Variants in CCDC170 observed in about 807,000 individuals in gnomAD.
CCDC170 encodes the protein coiled-coil domain-containing protein 170.
In CCDC170, 69 loss-of-function variants were observed where a neutral mutation model predicts 72.6. The ratio of observed to expected loss-of-function variants is 0.95; its 90% CI spans 0.78 to 1.16. The LOEUF is 1.16. Ranked by LOEUF, CCDC170 falls within the 50% of genes most tolerant of loss-of-function variation. The pLI is 0.00. For missense variants in CCDC170, 852 were observed against 832.5 expected (o/e 1.02, Z -0.29); for synonymous variants, 300 against 303.9 (o/e 0.99, Z 0.13).
intron 1 of CCDC170, among the ~76,000 whole-genome samples, chr6:151,533,554 C>T (rs892288601): frequency 6.6e-6 from 1 of 151,704 alleles, no homozygotes; most frequent in Non-Finnish European, 1.5e-5. Context: ...GTAATCCCAG[C>T]TATTCGGGAG....
intron 9 of CCDC170, among the ~76,000 whole-genome samples, chr6:151,614,556 G>T (rs1350950588): frequency 6.6e-6 from 1 of 151,790 alleles, no homozygotes; most frequent in African/African-American, 2.4e-5. Context: ...CTGGGTTCAA[G>T]CAATTCTCCT....
At chr6:151,504,230 T>G (rs1002488864) in intron 1 of CCDC170, among the ~76,000 whole-genome samples, 3 of 152,216 alleles carry the variant, frequency 2.0e-5, no homozygotes, top group African/African-American at 4.8e-5. Flanking sequence ...CACAATTGGT[T>G]AATCAAAGTG....
At chr6:151,509,225 T>TCTATCTAC (rs1782111474) in intron 1 of CCDC170, among the ~76,000 whole-genome samples, 3 of 122,708 alleles carry the variant, frequency 2.4e-5, no homozygotes, top group African/African-American at 9.0e-5. Context: ...TATCTATGTA[T>TCTATCTAC]CTATCTATCT....
chr6:151,497,243 A>T (rs751892200), intron 1 of CCDC170, among the ~76,000 whole-genome samples: 33 of 152,148 alleles, frequency 2.2e-4, no homozygotes, highest in Non-Finnish European at 4.7e-4. Context: ...CACAAAAAGT[A>T]CCCAGGCATG....
At chr6:151,574,717 A>T (rs1776276870) in intron 6 of CCDC170, among the ~76,000 whole-genome samples, 1 of 152,194 alleles carries the variant, frequency 6.6e-6, no homozygotes, top group Non-Finnish European at 1.5e-5. Flanking sequence ...TTTGTCAGTA[A>T]ATGAGTTATG....
intron 4 of CCDC170, among the ~76,000 whole-genome samples, chr6:151,546,381 C>G (rs188856290): frequency 6.6e-6 from 1 of 152,228 alleles, no homozygotes; most frequent in African/African-American, 2.4e-5. Flanking sequence ...CTGCTTCTTC[C>G]GTGACACACT....
chr6:151,507,797 T>G, intron 1 of CCDC170, among the ~76,000 whole-genome samples: 1 of 151,984 alleles, frequency 6.6e-6, no homozygotes. Flanking sequence ...GGCATGTGCC[T>G]GTAATCCCAG....
intron 6 of CCDC170, among the ~76,000 whole-genome samples, chr6:151,578,730 A>G (rs1776338552): frequency 2.0e-5 from 3 of 152,224 alleles, no homozygotes; most frequent in Admixed American, 1.3e-4. Flanking sequence ...ACAGAAGGGA[A>G]GGAGGATTTG....
At chr6:151,498,656 A>G (rs931683683) in intron 1 of CCDC170, among the ~76,000 whole-genome samples, 1 of 152,074 alleles carries the variant, frequency 6.6e-6, no homozygotes, top group Admixed American at 6.5e-5. Flanking sequence ...GTGGAATCAG[A>G]CTGTATTTAA....
At chr6:151,564,801 G>A (rs1776104406) in intron 5 of CCDC170, among the ~76,000 whole-genome samples, 2 of 152,194 alleles carry the variant, frequency 1.3e-5, no homozygotes, top group Admixed American at 6.5e-5. Context: ...GGGGGTAGGG[G>A]CAGAGCAAAG....
At chr6:151,517,502 G>A (rs979926932) in intron 1 of CCDC170, among the ~76,000 whole-genome samples, 16 of 148,768 alleles carry the variant, frequency 1.1e-4, no homozygotes, top group Admixed American at 2.0e-4. Context: ...GCACAATCTC[G>A]GCTCACTGCA....
intron 8 of CCDC170, 78 bp from the exon 9 acceptor site, chr6:151,596,257 C>CGCCGT: frequency 7.2e-7 from 1 of 1,395,708 alleles, no homozygotes; most frequent in South Asian, 1.7e-5. Flanking sequence ...AGATAGAGAT[C>CGCCGT]AACATTATCT....
At chr6:151,560,035 G>T (rs1233528647) in intron 5 of CCDC170, among the ~76,000 whole-genome samples, 3 of 151,976 alleles carry the variant, frequency 2.0e-5, no homozygotes, top group African/African-American at 7.2e-5. Flanking sequence ...GTGATGTTAG[G>T]TTGTTAATTT....
Position 151,543,680 on chromosome 6 carries a change from C to A in CCDC170, c.444-892C>A, listed in dbSNP as rs182556913. 3.0e-4 allele frequency among the ~76,000 whole-genome samples: 45 copies of A among 152,250 alleles called. 1 individual carries two copies. Among genetic ancestry groups the A allele is most frequent in the African/African-American group, 9.1e-4 (38 of 41,556 alleles). On this transcript the variant is annotated intron_variant, in intron 3 of 10. Coordinates refer to ENST00000239374, the MANE Select transcript of CCDC170 (RefSeq NM_025059.4). ...AAATTCTACTCTGCTTCTACGAGTT[C>A]AATTTTTTGTAGCTTCCACATATGA...
chr6:151,611,499 C>T (rs1776870161), intron 9 of CCDC170, among the ~76,000 whole-genome samples: 1 of 152,106 alleles, frequency 6.6e-6, no homozygotes, highest in African/African-American at 2.4e-5. Flanking sequence ...TGAGGCAGCT[C>T]TCTGGGGCCT....
intron 6 of CCDC170, among the ~76,000 whole-genome samples, chr6:151,582,302 A>C (rs868621812): frequency 2.0e-5 from 3 of 152,198 alleles, no homozygotes; most frequent in African/African-American, 7.2e-5. Context: ...TTACTGCTTT[A>C]TCTTGTACTT....
intron 8 of CCDC170, among the ~76,000 whole-genome samples, 159 bp from the exon 9 acceptor site, chr6:151,596,176 T>TA (rs895602285): frequency 6.6e-6 from 1 of 152,080 alleles, no homozygotes; most frequent in African/African-American, 2.4e-5. Context: ...AGGGTATGAG[T>TA]AAAAAATGCA....
chr6:151,549,851 T>A (rs1583021869), intron 5 of CCDC170, among the ~76,000 whole-genome samples: 1 of 152,246 alleles, frequency 6.6e-6, no homozygotes, highest in East Asian at 1.9e-4. Flanking sequence ...TTATTTATTT[T>A]TTAACACAAG....
At chr6:151,598,610 A>C (rs1044584279) in intron 9 of CCDC170, among the ~76,000 whole-genome samples, 3 of 152,118 alleles carry the variant, frequency 2.0e-5, no homozygotes, top group African/African-American at 7.2e-5. Context: ...TATAGGAGAG[A>C]TTCAGGGGCA....
Sources: gnomAD v4.1 joint callset for allele counts (sites outside exome capture counted in the v4.1 genomes callset) on GRCh38, gnomAD v4.1.1 for gene constraint, MANE v1.5 for transcripts, NCBI Gene and HGNC (gene_info 2026-07-23, HGNC 2026-07-21) for gene names.